TSHZ2: variants seen among roughly 807,000 people sequenced by gnomAD.
TSHZ2 encodes the protein teashirt zinc finger homeobox 2.
TSHZ2 carries 21 observed loss-of-function variants against 74.4 expected under a neutral mutation model. That is an observed-to-expected ratio of 0.28 (90% confidence interval 0.20 to 0.41). TSHZ2 has a LOEUF of 0.41. Among genes scored for constraint, TSHZ2 ranks in the 10% least tolerant of loss-of-function variants. The pLI is 1.00. For missense variants in TSHZ2, 1,244 were observed against 1,293.5 expected, an observed-to-expected ratio of 0.96 and a Z score of 0.59; for synonymous variants, 540 against 515.3, an observed-to-expected ratio of 1.05 and a Z score of -0.65.
At chr20:53,216,512 A>C (rs1249171185) in intron 1 of TSHZ2, among the ~76,000 whole-genome samples, 1 of 152,214 alleles carries the variant, frequency 6.6e-6, no homozygotes. Context: ...AAATCAGGAC[A>C]ACAAAGGGTT....
intron 1 of TSHZ2, among the ~76,000 whole-genome samples, chr20:53,110,143 A>C (rs1181455083): frequency 6.6e-6 from 1 of 152,172 alleles, no homozygotes; most frequent in African/African-American, 2.4e-5. Context: ...GAGCAGTCTT[A>C]ATCAGGGCAT....
chr20:53,130,301 G>A (rs1232742752), intron 1 of TSHZ2, among the ~76,000 whole-genome samples: 1 of 152,030 alleles, frequency 6.6e-6, no homozygotes, highest in African/African-American at 2.4e-5. Context: ...AAAAGCCAAA[G>A]GTGAATTTTA....
chr20:53,302,461 G>C (rs1978347771), intron 2 of TSHZ2, among the ~76,000 whole-genome samples: 2 of 152,218 alleles, frequency 1.3e-5, no homozygotes, highest in South Asian at 4.1e-4. Context: ...GAACACTTTT[G>C]GTCTTATCTC....
At chr20:53,012,142 A>C (rs949079622) in intron 1 of TSHZ2, among the ~76,000 whole-genome samples, 2 of 152,184 alleles carry the variant, frequency 1.3e-5, no homozygotes, top group African/African-American at 4.8e-5. Context: ...CAATATTTCG[A>C]GATAAACAGC....
chr20:53,040,328 G>A (rs1040080946), intron 1 of TSHZ2, among the ~76,000 whole-genome samples: 15 of 152,300 alleles, frequency 9.8e-5, no homozygotes, highest in Admixed American at 7.8e-4. Context: ...CATGGCACCT[G>A]TGTGGCTGGT....
At chr20:53,025,862 T>A (rs1983420843) in intron 1 of TSHZ2, among the ~76,000 whole-genome samples, 1 of 152,114 alleles carries the variant, frequency 6.6e-6, no homozygotes, top group Non-Finnish European at 1.5e-5. Flanking sequence ...CTTTAGGAGC[T>A]CTTCGACTGC....
At chr20:53,241,610 TC>T (rs1368220805) in intron 1 of TSHZ2, among the ~76,000 whole-genome samples, 1 of 152,104 alleles carries the variant, frequency 6.6e-6, no homozygotes, top group Non-Finnish European at 1.5e-5. Context: ...TCCTGAGAAA[TC>T]CAGCTCCATA....
In TSHZ2 at chr20:53,191,628, G is replaced by A. The variant is rs145978473; in HGVS notation, c.41-61871G>A. 3.2e-3 allele frequency among the ~76,000 whole-genome samples: 486 copies of A among 152,260 alleles called. 6 individuals are homozygous for A. Among genetic ancestry groups the A allele is most frequent in the African/African-American group, 0.011 (452 of 41,546 alleles). On this transcript the variant is annotated intron_variant, in intron 1 of 2. Coordinates refer to ENST00000371497, the MANE Select transcript of TSHZ2 (RefSeq NM_173485.6). Reference sequence around the variant, plus strand: ...CAGTGAGCTGGGATTGCACCACTGCGCTCCAGCCTGGGTGACAGAGCCAGA... The same window carrying A: ...CAGTGAGCTGGGATTGCACCACTGCACTCCAGCCTGGGTGACAGAGCCAGA...
At chr20:53,223,034 T>C (rs2123646909) in intron 1 of TSHZ2, among the ~76,000 whole-genome samples, 1 of 152,314 alleles carries the variant, frequency 6.6e-6, no homozygotes, top group East Asian at 1.9e-4. Flanking sequence ...ACAAGCCACC[T>C]TTTAAGTGTT....
intron 2 of TSHZ2, among the ~76,000 whole-genome samples, chr20:53,298,994 A>C (rs891594815): frequency 2.0e-5 from 3 of 152,050 alleles, no homozygotes; most frequent in Middle Eastern, 3.4e-3. Context: ...TATAGATGAG[A>C]CTCTGCTTTC....
chr20:53,310,641 T>A (rs1198949471), intron 2 of TSHZ2, among the ~76,000 whole-genome samples: 1 of 152,098 alleles, frequency 6.6e-6, no homozygotes, highest in Non-Finnish European at 1.5e-5. Flanking sequence ...AGCTCTAGGA[T>A]TGAGGGCTCT....
intron 2 of TSHZ2, among the ~76,000 whole-genome samples, chr20:53,463,948 A>G (rs1027228522): frequency 3.9e-5 from 6 of 152,254 alleles, no homozygotes; most frequent in Non-Finnish European, 7.3e-5. Context: ...AGTGCTGAAT[A>G]GCAGGTGTTT....
intron 1 of TSHZ2, among the ~76,000 whole-genome samples, chr20:53,037,748 C>T (rs190758299): frequency 6.6e-6 from 1 of 152,166 alleles, no homozygotes; most frequent in Non-Finnish European, 1.5e-5. Context: ...GCTGTGAGCA[C>T]CGGGAGACTT....
At chr20:53,051,402 T>C (rs1984455591) in intron 1 of TSHZ2, among the ~76,000 whole-genome samples, 1 of 151,678 alleles carries the variant, frequency 6.6e-6, no homozygotes, top group African/African-American at 2.4e-5. Context: ...AAAATGACTT[T>C]TGAGTGGGTA....
At chr20:53,378,347 TAATA>T (rs1241427702) in intron 2 of TSHZ2, among the ~76,000 whole-genome samples, 1 of 114,364 alleles carries the variant, frequency 8.7e-6, no homozygotes, top group African/African-American at 3.9e-5. Context: ...ATCAAAATAA[TAATA>T]ATAATAATAA....
intron 2 of TSHZ2, among the ~76,000 whole-genome samples, chr20:53,451,794 A>C (rs909260093): frequency 6.6e-6 from 1 of 152,240 alleles, no homozygotes; most frequent in Admixed American, 6.5e-5. Flanking sequence ...TCACTAAACT[A>C]TAAACTCCGT....
At chr20:53,459,900 C>T (rs1985279029) in intron 2 of TSHZ2, among the ~76,000 whole-genome samples, 1 of 152,188 alleles carries the variant, frequency 6.6e-6, no homozygotes, top group Non-Finnish European at 1.5e-5. Context: ...CTCTTTCTGG[C>T]TTGTAGGGTT....
chr20:53,392,082 A>G (rs539530944), intron 2 of TSHZ2, among the ~76,000 whole-genome samples: 1 of 152,316 alleles, frequency 6.6e-6, no homozygotes, highest in South Asian at 2.1e-4. Context: ...ACATGGAGGT[A>G]ATTTTATTGG....
At chr20:53,059,753 C>CT (rs1210051708) in intron 1 of TSHZ2, among the ~76,000 whole-genome samples, 4 of 151,958 alleles carry the variant, frequency 2.6e-5, no homozygotes, top group African/African-American at 4.8e-5. Flanking sequence ...AAATGTTGTC[C>CT]TTTTTTCTGT....
Sources: gnomAD v4.1 joint callset for allele counts (sites outside exome capture counted in the v4.1 genomes callset) on GRCh38, gnomAD v4.1.1 for gene constraint, MANE v1.5 for transcripts, NCBI Gene and HGNC (gene_info 2026-07-23, HGNC 2026-07-21) for gene names.